The following FAM184B variants were observed in gnomAD, a reference collection of about 807,000 sequenced individuals.
The protein encoded by FAM184B is protein FAM184B.
A neutral mutation model predicts 135.9 loss-of-function variants in FAM184B; 111 were observed. The ratio of observed to expected loss-of-function variants is 0.82; its 90% confidence interval spans 0.70 to 0.96. The LOEUF (loss-of-function observed/expected upper bound fraction) is 0.96, where lower values mean the gene tolerates loss of function less well. FAM184B is among the 40% of genes least tolerant of loss of function. The pLI is 0.00. For missense variants in FAM184B, 1,375 were observed against 1,323.9 expected, an observed-to-expected ratio of 1.04 and a Z score of -0.60; for synonymous variants, 552 against 524.8, an observed-to-expected ratio of 1.05 and a Z score of -0.71.
At chr4:17,705,673 C>T in intron 4 of FAM184B, 79 bp downstream of exon 4, 3 of 1,492,278 alleles carry the variant, frequency 2.0e-6, no homozygotes, top group Non-Finnish European at 2.7e-6. Flanking sequence ...TGCTTGGGGA[C>T]TGGCCTCTAC....
At chr4:17,677,905 T>G (rs1407692548) in intron 7 of FAM184B, among the ~76,000 whole-genome samples, 5 of 151,990 alleles carry the variant, frequency 3.3e-5, no homozygotes, top group African/African-American at 1.2e-4. Context: ...ACATAAACAA[T>G]TAAAACAAAA....
intron 5 of FAM184B, among the ~76,000 whole-genome samples, chr4:17,693,833 C>T (rs1440354589): frequency 2.0e-5 from 3 of 152,096 alleles, no homozygotes; most frequent in Non-Finnish European, 2.9e-5. Context: ...TGTGGTTAGC[C>T]GGGTATGGTG....
chr4:17,659,729 G>A (rs1350999621), intron 9 of FAM184B, among the ~76,000 whole-genome samples: 1 of 152,030 alleles, frequency 6.6e-6, no homozygotes, highest in African/African-American at 2.4e-5. Flanking sequence ...CAAGTGATCT[G>A]CCCCCCTCGG....
intron 12 of FAM184B, among the ~76,000 whole-genome samples, chr4:17,644,608 G>A (rs1346074031): frequency 6.6e-6 from 1 of 152,144 alleles, no homozygotes; most frequent in Non-Finnish European, 1.5e-5. Context: ...AGCTATTTAT[G>A]ACAAACCCAC....
In FAM184B at chr4:17,648,794, G is replaced by A. The variant is rs116972792; in HGVS notation, c.2192-1003C>T. ...GGAATCATCCAGGAGAGATGTGTAC[G>A]TTCTCTTAAACTCAGGGGAGAGTAA... On this transcript the variant is annotated intron_variant, in intron 11 of 17. Transcript: ENST00000265018. Among the ~76,000 whole-genome samples, 181 of 152,214 alleles carry A rather than the reference G, an allele frequency of 1.2e-3. 1 individual carries two copies. The East Asian group carries it at 0.031, about 26-fold the overall frequency.
chr4:17,750,903 C>T (rs1718275498), intron 1 of FAM184B, among the ~76,000 whole-genome samples: 1 of 152,098 alleles, frequency 6.6e-6, no homozygotes, highest in Admixed American at 6.5e-5. Context: ...TAGCCTTATT[C>T]TCCTTATCAG....
At chr4:17,747,244 G>T (rs1021121338) in intron 1 of FAM184B, among the ~76,000 whole-genome samples, 2 of 151,962 alleles carry the variant, frequency 1.3e-5, no homozygotes, top group African/African-American at 2.4e-5. Context: ...AGAATGAGAA[G>T]GAATTTGTCC....
rs1285893138 is a variant in FAM184B, at chr4:17,630,250, C to T, written c.*2282G>A. 2.6e-5 allele frequency: 4 copies of T among 152,196 alleles called. No homozygotes were observed. Among genetic ancestry groups the T allele is most frequent in the Non-Finnish European group, 5.9e-5 (4 of 68,038 alleles). The allele number at this position is 152,196 out of a possible 1,614,324, so 9.4% of individuals were successfully genotyped here. Reference sequence around the variant, plus strand: ...AAATAAAGAGCAGTCCTACAGGGTTCACTGCTATGTCCTGAATGTTGATGT... The same window carrying T: ...AAATAAAGAGCAGTCCTACAGGGTTTACTGCTATGTCCTGAATGTTGATGT... On this transcript the variant is annotated 3_prime_UTR_variant, in exon 18 of 18. Transcript: ENST00000265018.
intron 1 of FAM184B, among the ~76,000 whole-genome samples, chr4:17,765,509 G>A (rs568788943): frequency 5.3e-5 from 8 of 150,978 alleles, no homozygotes; most frequent in African/African-American, 1.2e-4. Context: ...ACGATCCCTC[G>A]TATTGACAAT....
At chr4:17,760,929 T>C (rs1718532358) in intron 1 of FAM184B, among the ~76,000 whole-genome samples, 1 of 152,228 alleles carries the variant, frequency 6.6e-6, no homozygotes, top group African/African-American at 2.4e-5. Context: ...CCACCTTGAA[T>C]GGACAAGGAC....
intron 1 of FAM184B, among the ~76,000 whole-genome samples, chr4:17,720,348 A>G (rs74589974): frequency 0.038 from 5,741 of 152,206 alleles, 242 homozygotes; most frequent in African/African-American, 0.1. Context: ...CTTTCTTTCA[A>G]TTGCTAACGT....
intron 5 of FAM184B, among the ~76,000 whole-genome samples, chr4:17,703,243 TC>T (rs1471648695): frequency 6.6e-6 from 1 of 152,150 alleles, no homozygotes; most frequent in East Asian, 1.9e-4. Context: ...ATGCCTATAA[TC>T]CCAGCATTTT....
intron 1 of FAM184B, among the ~76,000 whole-genome samples, chr4:17,739,365 T>C (rs1717973384): frequency 6.6e-6 from 1 of 151,978 alleles, no homozygotes; most frequent in Admixed American, 6.6e-5. Context: ...CCCGCCTCTG[T>C]CCAGAGTAGA....
At position 17,658,488 on chromosome 4, in the gene FAM184B, G is replaced by A. The variant is rs1173872924; in HGVS notation, c.1899C>T (p.Leu633=). 6.4e-7 allele frequency: 1 copy of A among 1,551,562 alleles called. No homozygotes were observed. The highest frequency in any genetic ancestry group is 2.4e-5 in the East Asian group (1 of 40,908). ...GCAGCTTCTCCCTCTCCAGGTCCGA[G>A]AGCTGCTTGAGTGCCTGCAGGTCCT... ...YREDLQALKQ[L]SDLEREKLQR... Residue 633 remains leucine, a synonymous_variant, in exon 10 of 18, where the codon CTC becomes CTT. Coordinates refer to ENST00000265018, the MANE Select transcript of FAM184B (RefSeq NM_015688.2).
chr4:17,734,472 A>G (rs1156874633), intron 1 of FAM184B, among the ~76,000 whole-genome samples: 2 of 152,308 alleles, frequency 1.3e-5, no homozygotes, highest in South Asian at 2.1e-4. Context: ...AATGAACTCA[A>G]ACAAATTTAC....
chr4:17,732,377 A>G (rs1717801905), intron 1 of FAM184B, among the ~76,000 whole-genome samples: 1 of 152,258 alleles, frequency 6.6e-6, no homozygotes, highest in South Asian at 2.1e-4. Flanking sequence ...AAACCCTTCA[A>G]AAACATCAAT....
At chr4:17,748,993 ATTTT>A (rs35520026) in intron 1 of FAM184B, among the ~76,000 whole-genome samples, 5 of 128,220 alleles carry the variant, frequency 3.9e-5, no homozygotes, top group Admixed American at 8.0e-5. Flanking sequence ...CACCCAGCTA[ATTTT>A]TTTTTTTTTT....
intron 8 of FAM184B, 50 bp downstream of exon 8, chr4:17,664,512 C>G (rs1435113379): frequency 2.2e-6 from 3 of 1,344,630 alleles, no homozygotes; most frequent in Non-Finnish European, 3.1e-6. Flanking sequence ...CCTTCCACAT[C>G]TGAGTCCTCA....
At chr4:17,778,673 A>G (rs1056799861) in intron 1 of FAM184B, among the ~76,000 whole-genome samples, 2 of 152,146 alleles carry the variant, frequency 1.3e-5, no homozygotes, top group African/African-American at 4.8e-5. Context: ...CAACATGGTG[A>G]GACTCTATTT....
Sources: allele counts gnomAD v4.1 joint callset (sites outside exome capture counted in the v4.1 genomes callset), GRCh38; gene constraint gnomAD v4.1.1; transcripts MANE v1.5; gene names NCBI Gene and HGNC (gene_info 2026-07-23, HGNC 2026-07-21).